NRXN3: variants seen among roughly 807,000 people sequenced by gnomAD.
NRXN3 encodes the protein neurexin III.
Under a neutral mutation model 137.6 loss-of-function variants are expected in NRXN3, and 32 were observed. The ratio of observed to expected loss-of-function variants is 0.23; its 90% CI spans 0.18 to 0.31. The LOEUF is 0.31. NRXN3 is among the 10% of genes least tolerant of loss of function. The probability of loss-of-function intolerance (pLI) is 1.00; values close to 1 mark genes in which losing one functional copy is unlikely to be tolerated. For synonymous variants in NRXN3, 798 were observed against 784.5 expected, an observed-to-expected ratio of 1.02 and a Z score of -0.29; for missense variants, 1,574 against 2,062.5, an observed-to-expected ratio of 0.76 and a Z score of 4.59.
chr14:79,380,666 A>G (rs968444716), intron 15 of NRXN3, among the ~76,000 whole-genome samples: 5 of 152,162 alleles, frequency 3.3e-5, no homozygotes, highest in African/African-American at 9.7e-5. Context: ...ATACGTGTGC[A>G]TGTGTCTTTA....
chr14:78,182,562 C>T (rs1031006380), intron 1 of NRXN3, among the ~76,000 whole-genome samples: 7 of 152,178 alleles, frequency 4.6e-5, no homozygotes, highest in Admixed American at 3.3e-4. Flanking sequence ...CTCTGCCTGC[C>T]GGGTTCAAGC....
intron 1 of NRXN3, among the ~76,000 whole-genome samples, chr14:78,171,955 TAG>T (rs1466956996): frequency 6.6e-6 from 1 of 152,076 alleles, no homozygotes; most frequent in African/African-American, 2.4e-5. Context: ...TGGAGCAAGA[TAG>T]AGTCAGGGCA....
At chr14:79,213,144 C>T (rs1026620581) in intron 15 of NRXN3, among the ~76,000 whole-genome samples, 2 of 152,056 alleles carry the variant, frequency 1.3e-5, no homozygotes, top group African/African-American at 4.8e-5. Context: ...TTCTTCCCCA[C>T]CTCCATTTTT....
Position 79,459,744 on chromosome 14 carries a change from A to G in NRXN3, c.3263-7477A>G, listed in dbSNP as rs571512584. The stretch of plus-strand genomic sequence containing the variant: ...ATACACATAGCTGGTATTAGTATTA[A>G]TATTGATATTAACATTAGTCTAGAG... On this transcript the variant is annotated intron_variant, in intron 15 of 20. Transcript: ENST00000335750. Among the ~76,000 whole-genome samples, 89 of 152,154 alleles carry G rather than the reference A, an allele frequency of 5.8e-4. 1 individual carries two copies. In the South Asian group the frequency reaches 0.018, roughly 30 times the overall value.
At chr14:79,326,693 A>G (rs1268225014) in intron 15 of NRXN3, among the ~76,000 whole-genome samples, 4 of 152,210 alleles carry the variant, frequency 2.6e-5, no homozygotes, top group Non-Finnish European at 5.9e-5. Flanking sequence ...TAAATATAAA[A>G]GATCTGTGTT....
chr14:78,843,249 A>G (rs1271570068), intron 10 of NRXN3, among the ~76,000 whole-genome samples: 2 of 152,180 alleles, frequency 1.3e-5, no homozygotes, highest in East Asian at 1.9e-4. Flanking sequence ...TTCTTCTGCC[A>G]TGGCTTCAGC....
At chr14:79,363,947 T>G (rs1474403369) in intron 15 of NRXN3, among the ~76,000 whole-genome samples, 2 of 152,228 alleles carry the variant, frequency 1.3e-5, no homozygotes, top group African/African-American at 4.8e-5. Flanking sequence ...CCTATCATTT[T>G]GACACCTACT....
chr14:79,801,107 A>T (rs986137660), intron 19 of NRXN3, among the ~76,000 whole-genome samples: 1 of 152,194 alleles, frequency 6.6e-6, no homozygotes, highest in Non-Finnish European at 1.5e-5. Flanking sequence ...AGGGACTGAG[A>T]TGTTTGTAAC....
chr14:78,243,726 G>A lies in NRXN3; in HGVS notation c.633G>A (p.Gly211=), dbSNP rs574098231. ...GTGAGCGTCCCTGTGAAAATGGTGG[G>A]ATCTGCTTTCTCCTGGACGGCCACC... ...PCGERPCENG[G]ICFLLDGHPT... Residue 211 remains glycine, a synonymous_variant, in exon 2 of 21, where the codon GGG becomes GGA. Transcript: ENST00000335750. This position sits in a 1 kb window ranked among gnomAD's most constrained non-coding sequence, Gnocchi z 4.2. 1 of 1,598,188 alleles carries A rather than the reference G, an allele frequency of 6.3e-7. No individual in the cohort carries two copies. The highest frequency in any genetic ancestry group is 1.3e-5 in the African/African-American group (1 of 74,884).
At chr14:78,601,369 T>C (rs1443665053) in intron 4 of NRXN3, among the ~76,000 whole-genome samples, 1 of 152,232 alleles carries the variant, frequency 6.6e-6, no homozygotes, top group Admixed American at 6.5e-5. Flanking sequence ...GGTTTCTTTA[T>C]GACCATACAT....
At chr14:78,938,107 G>T (rs905265845) in intron 10 of NRXN3, among the ~76,000 whole-genome samples, 1 of 152,242 alleles carries the variant, frequency 6.6e-6, no homozygotes, top group Non-Finnish European at 1.5e-5. Context: ...GATGAATACA[G>T]AGGAGATCCT....
intron 19 of NRXN3, among the ~76,000 whole-genome samples, chr14:79,719,382 G>GTGTGTGTATATATATGTGTGTATATATA (rs1555660543): frequency 7.8e-6 from 1 of 127,788 alleles, no homozygotes; most frequent in African/African-American, 2.8e-5. Context: ...GTATATATAT[G>GTGTGTGTATATATATGTGTGTATATATA]TGTGTGTATA....
intron 19 of NRXN3, among the ~76,000 whole-genome samples, chr14:79,783,820 T>C (rs572874403): frequency 6.6e-6 from 1 of 152,328 alleles, no homozygotes; most frequent in East Asian, 1.9e-4. Context: ...TGAATCCTAA[T>C]TCCTCTTCTT....
At chr14:79,543,003 A>T (rs2097288035) in intron 16 of NRXN3, among the ~76,000 whole-genome samples, 1 of 152,190 alleles carries the variant, frequency 6.6e-6, no homozygotes, top group Non-Finnish European at 1.5e-5. Context: ...GTAAAATTAA[A>T]GGCACAGGTA....
At chr14:79,112,358 T>G (rs1170712970) in intron 15 of NRXN3, among the ~76,000 whole-genome samples, 1 of 152,210 alleles carries the variant, frequency 6.6e-6, no homozygotes, top group Non-Finnish European at 1.5e-5. Context: ...GGAAGAAGGA[T>G]GCATTTTGCA....
chr14:79,342,114 G>T (rs1044802674), intron 15 of NRXN3, among the ~76,000 whole-genome samples: 18 of 152,296 alleles, frequency 1.2e-4, no homozygotes, highest in East Asian at 1.9e-4. Context: ...GGGAGTGGAG[G>T]TATTGGTGAG....
intron 2 of NRXN3, among the ~76,000 whole-genome samples, chr14:78,249,459 TC>T (rs1427875462): frequency 6.6e-6 from 1 of 152,172 alleles, no homozygotes; most frequent in African/African-American, 2.4e-5. Context: ...TTCAGCTGGG[TC>T]CTCTTTCTCC....
chr14:79,754,845 T>G (rs941286225), intron 19 of NRXN3, among the ~76,000 whole-genome samples: 14 of 151,888 alleles, frequency 9.2e-5, no homozygotes, highest in African/African-American at 3.4e-4. Flanking sequence ...AGTGGGTGAG[T>G]TCTCACAAGA....
At chr14:78,938,050 T>G (rs61994016) in intron 10 of NRXN3, among the ~76,000 whole-genome samples, 4,618 of 152,308 alleles carry the variant, frequency 0.03, 125 homozygotes, top group African/African-American at 0.06. Context: ...AGGATATGAG[T>G]TGCTAATCGT....
Sources: allele counts gnomAD v4.1 joint callset (sites outside exome capture counted in the v4.1 genomes callset), GRCh38; gene constraint gnomAD v4.1.1; non-coding constraint Gnocchi (gnomAD v3.1); transcripts MANE v1.5; gene names NCBI Gene and HGNC (gene_info 2026-07-23, HGNC 2026-07-21).